The following SHISA9 variants were observed in gnomAD, a reference collection of about 807,000 sequenced individuals.
SHISA9 encodes protein shisa-9.
SHISA9 carries 13 observed loss-of-function variants against 38.0 expected under a neutral mutation model. That is an observed-to-expected ratio of 0.34 (90% CI 0.22 to 0.54). The LOEUF (loss-of-function observed/expected upper bound fraction) is 0.54. Among genes scored for constraint, SHISA9 ranks in the 20% least tolerant of loss-of-function variants. The probability of loss-of-function intolerance (pLI) is 0.91; values close to 1 mark genes in which losing one functional copy is unlikely to be tolerated. For synonymous variants in SHISA9, 275 were observed against 242.0 expected, an observed-to-expected ratio of 1.14 and a Z score of -1.27; for missense variants, 538 against 575.8, an observed-to-expected ratio of 0.93 and a Z score of 0.67.
the SHISA9 span, among the ~76,000 whole-genome samples, chr16:13,321,927 A>G: frequency 3.3e-5 from 5 of 152,252 alleles, no homozygotes; most frequent in Non-Finnish European, 7.3e-5. Flanking sequence ...TGATCATTAA[A>G]CAACATATTT....
intron 2 of SHISA9, among the ~76,000 whole-genome samples, chr16:12,939,446 T>G (rs549143127): frequency 3.3e-5 from 5 of 152,240 alleles, no homozygotes; most frequent in Non-Finnish European, 5.9e-5. Context: ...AGGTTTGTTG[T>G]TGGTGAAATA....
the SHISA9 span, among the ~76,000 whole-genome samples, chr16:13,532,797 ACACT>A: frequency 6.6e-6 from 1 of 152,124 alleles, no homozygotes; most frequent in East Asian, 1.9e-4. Context: ...GATTTCCCAG[ACACT>A]CACTCTTTCA....
chr16:13,250,066 C>T, the SHISA9 span, among the ~76,000 whole-genome samples: 1 of 152,144 alleles, frequency 6.6e-6, no homozygotes, highest in Non-Finnish European at 1.5e-5. Flanking sequence ...CATTCTCTGA[C>T]CCTCACCACT....
the SHISA9 span, among the ~76,000 whole-genome samples, chr16:13,540,798 A>G: frequency 1.3e-5 from 2 of 152,316 alleles, no homozygotes; most frequent in African/African-American, 4.8e-5. Context: ...GATCATTAAT[A>G]TTTATTATTA....
At position 13,060,177 on chromosome 16, in the gene SHISA9, A is replaced by G. The variant is rs186989411; in HGVS notation, c.692-143217A>G. On this transcript the variant is annotated intron_variant, in intron 2 of 4. Transcript: ENST00000558583. Reference sequence around the variant, plus strand: ...GGTGCCGGTTTCCTCTGTTCTCTCAATGCGCCCCGATGTGCCACATTATTG... The same window carrying G: ...GGTGCCGGTTTCCTCTGTTCTCTCAGTGCGCCCCGATGTGCCACATTATTG... 1.5e-4 allele frequency among the ~76,000 whole-genome samples: 23 copies of G among 152,196 alleles called. 2 individuals are homozygous for G. In the Middle Eastern group the frequency reaches 0.01, roughly 68 times the overall value.
chr16:13,257,345 G>C, the SHISA9 span, among the ~76,000 whole-genome samples: 1 of 152,170 alleles, frequency 6.6e-6, no homozygotes, highest in Non-Finnish European at 1.5e-5. Context: ...TACGTGACAA[G>C]TTATTTAACC....
At chr16:13,076,331 G>A (rs968984209) in intron 2 of SHISA9, among the ~76,000 whole-genome samples, 1 of 152,186 alleles carries the variant, frequency 6.6e-6, no homozygotes, top group Non-Finnish European at 1.5e-5. Context: ...GCACCCAGCT[G>A]AGAAACAGAT....
At chr16:12,952,221 T>A (rs1157869368) in intron 2 of SHISA9, among the ~76,000 whole-genome samples, 1 of 152,228 alleles carries the variant, frequency 6.6e-6, no homozygotes, top group South Asian at 2.1e-4. Context: ...CAAGGTGGAA[T>A]TGCTTCATCA....
chr16:13,334,961 C>T, the SHISA9 span, among the ~76,000 whole-genome samples: 2 of 152,162 alleles, frequency 1.3e-5, no homozygotes, highest in Non-Finnish European at 2.9e-5. Context: ...TGCTAGGAAC[C>T]TGTATATTCT....
At chr16:13,475,774 A>G in the SHISA9 span, among the ~76,000 whole-genome samples, 1 of 152,236 alleles carries the variant, frequency 6.6e-6, no homozygotes, top group African/African-American at 2.4e-5. Flanking sequence ...TTTTCCTGCA[A>G]CTAGACAGTC....
At chr16:13,517,881 C>G in the SHISA9 span, among the ~76,000 whole-genome samples, 3 of 152,198 alleles carry the variant, frequency 2.0e-5, no homozygotes, top group Non-Finnish European at 2.9e-5. Context: ...AGGGCTTTGG[C>G]CTCTTCCCAC....
At chr16:13,454,318 G>A in the SHISA9 span, among the ~76,000 whole-genome samples, 1 of 152,192 alleles carries the variant, frequency 6.6e-6, no homozygotes, top group Admixed American at 6.5e-5. Flanking sequence ...GAAGGAAGAA[G>A]AGCTAAAAGA....
intron 2 of SHISA9, among the ~76,000 whole-genome samples, chr16:13,104,138 CG>C (rs1224467362): frequency 1.3e-5 from 2 of 152,110 alleles, no homozygotes; most frequent in Non-Finnish European, 1.5e-5. Flanking sequence ...TGCCCTCATA[CG>C]GTTGTCTAAG....
chr16:13,562,035 C>T, the SHISA9 span, among the ~76,000 whole-genome samples: 3 of 152,302 alleles, frequency 2.0e-5, no homozygotes, highest in African/African-American at 7.2e-5. Flanking sequence ...TTGTCCTCAC[C>T]TTCCAGGGAC....
intron 2 of SHISA9, among the ~76,000 whole-genome samples, chr16:13,043,796 A>G (rs2073158673): frequency 6.6e-6 from 1 of 152,198 alleles, no homozygotes. Context: ...CTGATCCTTC[A>G]GAGCTCAGCC....
the SHISA9 span, among the ~76,000 whole-genome samples, chr16:13,507,636 C>G: frequency 6.6e-6 from 1 of 152,168 alleles, no homozygotes; most frequent in African/African-American, 2.4e-5. Flanking sequence ...AGTGCCAAAA[C>G]TCTGAGTGTG....
At chr16:13,418,668 G>A in the SHISA9 span, among the ~76,000 whole-genome samples, 6 of 152,206 alleles carry the variant, frequency 3.9e-5, no homozygotes, top group African/African-American at 1.4e-4. Flanking sequence ...GGGATGTTCT[G>A]TGGCCCAGAT....
intron 2 of SHISA9, among the ~76,000 whole-genome samples, chr16:13,141,882 C>T (rs75418926): frequency 6.6e-6 from 1 of 152,112 alleles, no homozygotes; most frequent in Non-Finnish European, 1.5e-5. Flanking sequence ...CTAATCACTG[C>T]CTCCCTTTAC....
chr16:13,417,520 A>G, the SHISA9 span, among the ~76,000 whole-genome samples: 1 of 152,330 alleles, frequency 6.6e-6, no homozygotes. Flanking sequence ...CTCTCTTGTT[A>G]GCTATTGAGT....
Sources: allele counts gnomAD v4.1 joint callset (sites outside exome capture counted in the v4.1 genomes callset), GRCh38; gene constraint gnomAD v4.1.1; transcripts MANE v1.5; gene names NCBI Gene and HGNC (gene_info 2026-07-23, HGNC 2026-07-21).